SYNPO2: variants seen among roughly 807,000 people sequenced by gnomAD.
SYNPO2 encodes synaptopodin-2.
A neutral mutation model predicts 85.0 loss-of-function variants in SYNPO2; 56 were observed. That is an observed-to-expected ratio of 0.66 (90% CI 0.53 to 0.82). The LOEUF (loss-of-function observed/expected upper bound fraction) is 0.82. Ranked by LOEUF, SYNPO2 falls within the 40% of genes least tolerant of loss-of-function variation. SYNPO2 has a pLI of 0.00. For synonymous variants in SYNPO2, 602 were observed against 591.1 expected (o/e 1.02, Z -0.27); for missense variants, 1,575 against 1,534.2 (o/e 1.03, Z -0.44).
At chr4:118,975,601 T>C (rs1735694287) in intron 1 of SYNPO2, among the ~76,000 whole-genome samples, 1 of 152,266 alleles carries the variant, frequency 6.6e-6, no homozygotes, top group Non-Finnish European at 1.5e-5. Context: ...ATTCCTGTCA[T>C]AGAAGAGCTG....
chr4:119,030,556 G>C lies in SYNPO2; in HGVS notation c.1781G>C (p.Gly594Ala), dbSNP rs753715257. ...PMNRTAKPFP[G>A]SVNQPATPFS... ...AATAGAACGGCCAAACCCTTCCCAGGGTCTGTGAATCAGCCAGCTACCCCC... is the reference window on the plus strand; with the variant it reads ...AATAGAACGGCCAAACCCTTCCCAGCGTCTGTGAATCAGCCAGCTACCCCC... The change falls in exon 4 of 5, where the codon GGG becomes GCG. Residue 594 changes from glycine to alanine, a missense_variant. Physicochemically the swap from Gly to Ala is moderately conservative, Grantham distance 60. Around this residue, in one of 3 missense-constraint regions of SYNPO2, gnomAD observed 1,508 missense variants for 1,446.8 expected, o/e 1.04. Coordinates refer to ENST00000307142, the MANE Select transcript of SYNPO2 (RefSeq NM_133477.3). The C allele has an allele frequency of 6.2e-7, 1 of 1,613,994 alleles. No homozygotes were observed. Among genetic ancestry groups the C allele is most frequent in the Non-Finnish European group, 8.5e-7 (1 of 1,180,008 alleles).
intron 4 of SYNPO2, among the ~76,000 whole-genome samples, chr4:119,041,586 A>G (rs10518313): frequency 0.79 from 120,856 of 152,106 alleles, 48,113 homozygotes; most frequent in African/African-American, 0.82. Context: ...TATGGGCTAG[A>G]TTTTGAATTC....
At chr4:118,879,981 C>T (rs1250430366) in intron 1 of SYNPO2, among the ~76,000 whole-genome samples, 2 of 152,104 alleles carry the variant, frequency 1.3e-5, no homozygotes, top group Admixed American at 6.5e-5. Flanking sequence ...AGGACAGAAT[C>T]CCTCCTTATT....
chr4:118,909,467 A>T (rs909168674), intron 1 of SYNPO2, among the ~76,000 whole-genome samples: 7 of 152,272 alleles, frequency 4.6e-5, no homozygotes, highest in African/African-American at 1.7e-4. Flanking sequence ...ACTCCAGTGG[A>T]GAGAGAGTAC....
Position 118,905,443 on chromosome 4 carries a change from C to T in SYNPO2, c.105+16302C>T, listed in dbSNP as rs200735423. Among the ~76,000 whole-genome samples, 776 of 150,244 alleles carry T rather than the reference C, an allele frequency of 5.2e-3. 3 individuals are homozygous for T. The highest frequency in any genetic ancestry group is 0.018 in the African/African-American group (741 of 40,962). On this transcript the variant is annotated intron_variant, in intron 1 of 4. Transcript: ENST00000307142. ...AAGTGGTACCTGATGTGTGTGTGTGCGTGTGTGTGTGTGTGTGTCTGTGAG... is the reference window on the plus strand; with the variant it reads ...AAGTGGTACCTGATGTGTGTGTGTGTGTGTGTGTGTGTGTGTGTCTGTGAG...
intron 4 of SYNPO2, among the ~76,000 whole-genome samples, chr4:119,045,367 C>T (rs1159815699): frequency 6.6e-6 from 1 of 152,114 alleles, no homozygotes; most frequent in African/African-American, 2.4e-5. Flanking sequence ...GAGAGGATGT[C>T]TTGAGCCCGG....
chr4:119,046,172 T>C (rs1245861506), intron 4 of SYNPO2, among the ~76,000 whole-genome samples: 3 of 152,218 alleles, frequency 2.0e-5, no homozygotes, highest in Admixed American at 6.5e-5. Flanking sequence ...AGCTAGTACA[T>C]AGTAAAAGTT....
intron 1 of SYNPO2, among the ~76,000 whole-genome samples, chr4:118,914,605 T>A (rs1483779990): frequency 6.6e-6 from 1 of 152,152 alleles, no homozygotes; most frequent in Non-Finnish European, 1.5e-5. Flanking sequence ...TTTTTTGTGA[T>A]ATTTCTCAAT....
At chr4:118,889,612 C>T (rs917781787) in intron 1 of SYNPO2, among the ~76,000 whole-genome samples, 1 of 152,000 alleles carries the variant, frequency 6.6e-6, no homozygotes, top group Non-Finnish European at 1.5e-5. Flanking sequence ...CATGAAAAGG[C>T]CAATGTTGGG....
intron 1 of SYNPO2, among the ~76,000 whole-genome samples, chr4:118,936,281 G>T (rs62326842): frequency 6.6e-6 from 1 of 152,002 alleles, no homozygotes; most frequent in East Asian, 1.9e-4. Flanking sequence ...TATCTCCATC[G>T]TTAAGCAATG....
At chr4:118,917,857 T>C (rs1733404221) in intron 1 of SYNPO2, among the ~76,000 whole-genome samples, 1 of 152,194 alleles carries the variant, frequency 6.6e-6, no homozygotes. Flanking sequence ...AGAAATACTT[T>C]GGTATAATGT....
chr4:118,881,387 C>T (rs72907289), intron 1 of SYNPO2, among the ~76,000 whole-genome samples: 4,888 of 152,040 alleles, frequency 0.032, 237 homozygotes, highest in African/African-American at 0.11. Flanking sequence ...GGGAAGTGAC[C>T]ATCTGCAAGT....
intron 1 of SYNPO2, among the ~76,000 whole-genome samples, chr4:118,965,853 C>T (rs571877727): frequency 3.2e-3 from 490 of 151,958 alleles, no homozygotes; most frequent in Non-Finnish European, 5.2e-3. Flanking sequence ...GAGGCTGAGA[C>T]GGGAGGATCA....
chr4:118,893,493 G>A lies in SYNPO2; in HGVS notation c.105+4352G>A, dbSNP rs1047177384. 2.0e-5 allele frequency among the ~76,000 whole-genome samples: 3 copies of A among 152,168 alleles called. No homozygotes were observed. In the East Asian group the frequency reaches 5.8e-4, roughly 29 times the overall value. ...AGATGAGGAAATTGTGGCACAGAAA[G>A]GCTACATTGCTTGCCAATGGTTAAG... On this transcript the variant is annotated intron_variant, in intron 1 of 4. Coordinates refer to ENST00000307142, the MANE Select transcript of SYNPO2 (RefSeq NM_133477.3).
rs1322041971 is a variant in SYNPO2, at chr4:118,868,047, TTAA to T, written c.12+17108_12+17110del. 1.7e-3 allele frequency among the ~76,000 whole-genome samples: 213 copies of T among 126,974 alleles called. 1 individual carries two copies. The highest frequency in any genetic ancestry group is 5.5e-3 in the African/African-American group (186 of 33,918). 83.3% of individuals were successfully genotyped at this position (126,974 alleles called of 152,430 possible). ...TAATCTACTCCTCCCCTCCTTTCAT[TTAA>T]AAAAAAAAAAAAAACTACGTATTTA... On this transcript the variant is annotated intron_variant, in intron 1 of 4. Transcript: ENST00000610556.
At chr4:118,961,484 G>A (rs189362905) in intron 1 of SYNPO2, among the ~76,000 whole-genome samples, 17 of 152,186 alleles carry the variant, frequency 1.1e-4, no homozygotes, top group East Asian at 7.7e-4. Context: ...GCATCTCTGC[G>A]TCTTCATTAC....
At chr4:119,022,358 G>A (rs1275903139) in intron 1 of SYNPO2, among the ~76,000 whole-genome samples, 1 of 151,838 alleles carries the variant, frequency 6.6e-6, no homozygotes, top group Non-Finnish European at 1.5e-5. Context: ...TTTAAGACGG[G>A]GTCTTGCTCT....
intron 1 of SYNPO2, among the ~76,000 whole-genome samples, chr4:118,952,091 G>A (rs1322826782): frequency 1.3e-5 from 2 of 152,122 alleles, no homozygotes; most frequent in Admixed American, 6.6e-5. Context: ...TGAGTGAAGG[G>A]TTATGAGAGA....
At chr4:118,911,505 C>A (rs1225578321) in intron 1 of SYNPO2, among the ~76,000 whole-genome samples, 1 of 152,178 alleles carries the variant, frequency 6.6e-6, no homozygotes, top group Non-Finnish European at 1.5e-5. Context: ...GAATGTTCAT[C>A]TCTGATGCCT....
Sources: allele counts gnomAD v4.1 joint callset (sites outside exome capture counted in the v4.1 genomes callset), GRCh38; gene constraint gnomAD v4.1.1; regional missense constraint gnomAD v4.1.1; transcripts MANE v1.5; gene names NCBI Gene and HGNC (gene_info 2026-07-23, HGNC 2026-07-21).